The following PEX5L variants were observed in gnomAD, a reference collection of about 807,000 sequenced individuals.
PEX5L encodes peroxisomal biogenesis factor 5 like.
In PEX5L, 30 loss-of-function variants were observed where a neutral mutation model predicts 84.0. That is an observed-to-expected ratio of 0.36 (90% confidence interval 0.27 to 0.48). The LOEUF (loss-of-function observed/expected upper bound fraction) is 0.48. Ranked by LOEUF, PEX5L falls within the 20% of genes least tolerant of loss-of-function variation. The probability of loss-of-function intolerance (pLI) is 0.99; values close to 1 mark genes in which losing one functional copy is unlikely to be tolerated. For missense variants in PEX5L, 533 were observed against 754.6 expected (o/e 0.71, Z 3.44); for synonymous variants, 270 against 283.1 (o/e 0.95, Z 0.46).
intron 10 of PEX5L, 73 bp downstream of exon 10, chr3:179,815,788 A>C: frequency 1.7e-5 from 26 of 1,505,950 alleles, no homozygotes; most frequent in Non-Finnish European, 2.1e-5. Context: ...CTGACCCAGC[A>C]GAGTTCTGTG....
intron 7 of PEX5L, among the ~76,000 whole-genome samples, chr3:179,862,563 C>T (rs1211684825): frequency 6.6e-6 from 1 of 152,136 alleles, no homozygotes; most frequent in Non-Finnish European, 1.5e-5. Flanking sequence ...AGCTCTGTTC[C>T]TCATTGTTTT....
intron 1 of PEX5L, among the ~76,000 whole-genome samples, chr3:179,986,528 G>C (rs373677491): frequency 6.7e-6 from 1 of 150,050 alleles, no homozygotes; most frequent in Non-Finnish European, 1.5e-5. Context: ...TCAGCCTCCC[G>C]AGTAGCTGGG....
Position 179,829,995 on chromosome 3 carries a change from C to T in PEX5L, c.823-10019G>A, listed in dbSNP as rs1350463237. On this transcript the variant is annotated intron_variant, in intron 8 of 14. Transcript: ENST00000467460. ...TATTTTTAGTAGAGATGGGGTTTCA[C>T]CATGTTGGCCAGGCTGATTTCGAAC... Among the ~76,000 whole-genome samples the T allele has an allele frequency of 2.8e-5, 4 of 141,862 alleles. No individual in the cohort carries two copies. The Admixed American group carries it at 2.9e-4, about 10-fold the overall frequency. The allele number at this position is 141,862 out of a possible 152,430, so 93.1% of individuals were successfully genotyped here.
intron 8 of PEX5L, among the ~76,000 whole-genome samples, chr3:179,838,016 C>G (rs1260986945): frequency 3.3e-5 from 5 of 152,116 alleles, no homozygotes; most frequent in South Asian, 4.1e-4. Flanking sequence ...TTGCATGTAG[C>G]CATCCATCAA....
At chr3:179,893,353 TA>T (rs1560574574) in intron 3 of PEX5L, among the ~76,000 whole-genome samples, 1 of 152,196 alleles carries the variant, frequency 6.6e-6, no homozygotes, top group Non-Finnish European at 1.5e-5. Flanking sequence ...AACTATTAAA[TA>T]ATCTAAGCTA....
chr3:179,951,634 G>A lies in PEX5L; in HGVS notation c.93+19960C>T, dbSNP rs150196839. ...TATAGCAGAGCAAAGAGCTGGAAGA[G>A]GCTTGCATTTCTGACCACTTAGGAG... On this transcript the variant is annotated intron_variant, in intron 2 of 14. Transcript: ENST00000467460. Among the ~76,000 whole-genome samples the A allele has an allele frequency of 1.2e-4, 18 of 152,248 alleles. No individual in the cohort carries two copies. In the East Asian group the frequency reaches 3.5e-3, roughly 29 times the overall value.
In PEX5L at chr3:179,808,350, T is replaced by G; in HGVS notation, c.1440A>C (p.Leu480=). 1 of 1,603,224 alleles carries G rather than the reference T, an allele frequency of 6.2e-7. No individual in the cohort carries two copies. Residue 480 remains leucine, a synonymous_variant, in exon 13 of 15, where the codon CTA becomes CTC. Transcript: ENST00000467460. ...DMIDPDLQTG[L]GVLFHLSGEF... Reference sequence around the variant, plus strand: ...CTCCACTCAGGTGGAACAGAACCCCTAGACCTGTCTGCAGGTCTGGGTCGA... The same window carrying G: ...CTCCACTCAGGTGGAACAGAACCCCGAGACCTGTCTGCAGGTCTGGGTCGA...
At chr3:179,995,553 A>G (rs1473581432) in intron 1 of PEX5L, among the ~76,000 whole-genome samples, 2 of 152,170 alleles carry the variant, frequency 1.3e-5, no homozygotes, top group South Asian at 2.1e-4. Flanking sequence ...GACTCTATAC[A>G]TAATACCTCT....
At chr3:179,910,490 G>A (rs1400278989) in intron 2 of PEX5L, among the ~76,000 whole-genome samples, 1 of 152,164 alleles carries the variant, frequency 6.6e-6, no homozygotes, top group Non-Finnish European at 1.5e-5. Flanking sequence ...CATTAGTCAA[G>A]ATATATAGTT....
At position 180,036,633 on chromosome 3, in the gene PEX5L, A is replaced by G; in HGVS notation, c.-34T>C. 1 of 1,613,592 alleles carries G rather than the reference A, an allele frequency of 6.2e-7. No individual in the cohort carries two copies. Reference sequence around the variant, plus strand: ...GGTTTCTTCAGGGCTCCCTGAGGCCACCGGATGCTTTTCCCCCGTGCTTAC... The same window carrying G: ...GGTTTCTTCAGGGCTCCCTGAGGCCGCCGGATGCTTTTCCCCCGTGCTTAC... On this transcript the variant is annotated 5_prime_UTR_variant, in exon 1 of 15. Coordinates refer to ENST00000467460, the MANE Select transcript of PEX5L (RefSeq NM_016559.3).
intron 1 of PEX5L, among the ~76,000 whole-genome samples, chr3:180,019,536 C>T (rs1345057008): frequency 6.6e-6 from 1 of 152,128 alleles, no homozygotes; most frequent in South Asian, 2.1e-4. Context: ...TAGAAGCATA[C>T]CTTGAGGTTC....
At chr3:179,819,396 G>C (rs1403690559) in intron 9 of PEX5L, among the ~76,000 whole-genome samples, 1 of 152,264 alleles carries the variant, frequency 6.6e-6, no homozygotes, top group East Asian at 1.9e-4. Flanking sequence ...CTTTTCCACA[G>C]AGTTTCTTTG....
At chr3:179,849,434 C>T (rs902117124) in intron 8 of PEX5L, among the ~76,000 whole-genome samples, 3 of 152,178 alleles carry the variant, frequency 2.0e-5, no homozygotes, top group African/African-American at 4.8e-5. Flanking sequence ...ATTTCAACCA[C>T]GCATTTTACT....
intron 2 of PEX5L, among the ~76,000 whole-genome samples, chr3:179,947,859 A>G (rs555681380): frequency 3.2e-4 from 48 of 152,050 alleles, no homozygotes; most frequent in African/African-American, 1.1e-3. Context: ...GGCACCCGCC[A>G]CCACGCCTGG....
intron 8 of PEX5L, 66 bp downstream of exon 8, chr3:179,858,996 G>T: frequency 1.0e-6 from 1 of 977,188 alleles, no homozygotes; most frequent in South Asian, 1.3e-5. Flanking sequence ...TCTTGCTGAA[G>T]TTTGATTTTT....
In PEX5L at chr3:179,799,248, T is replaced by C. The variant is rs1329417554; in HGVS notation, c.*2580A>G. 6.6e-6 allele frequency: 1 copy of C among 152,200 alleles called. No homozygotes were observed. Among genetic ancestry groups the C allele is most frequent in the Non-Finnish European group, 1.5e-5 (1 of 68,040 alleles). 9.4% of individuals were successfully genotyped at this position (152,200 alleles called of 1,614,324 possible). Reference sequence around the variant, plus strand: ...CTCATGTTTTAATAATGGTTTTAACTTAATTTTATAAAAAATATTATTGAA... The same window carrying C: ...CTCATGTTTTAATAATGGTTTTAACCTAATTTTATAAAAAATATTATTGAA... On this transcript the variant is annotated 3_prime_UTR_variant, in exon 15 of 15. Coordinates refer to ENST00000467460, the MANE Select transcript of PEX5L (RefSeq NM_016559.3).
intron 2 of PEX5L, among the ~76,000 whole-genome samples, chr3:179,903,441 G>A (rs1384467331): frequency 2.0e-5 from 3 of 152,062 alleles, no homozygotes; most frequent in African/African-American, 7.2e-5. Context: ...TGCTGCCCAG[G>A]CTGGCCTCAA....
chr3:179,900,729 C>A, intron 2 of PEX5L: 1 of 1,535,210 alleles, frequency 6.5e-7, no homozygotes, highest in East Asian at 2.4e-5. Flanking sequence ...AAGGTTACAC[C>A]TACTACCTGA....
Position 179,795,575 on chromosome 3 carries a change from C to T in PEX5L, c.*6253G>A, listed in dbSNP as rs539262042. ...CCAATCACTTTAAAATCCCCTCCCC[C>T]CCATTGCCATTAATTTACTATAGGT... On this transcript the variant is annotated 3_prime_UTR_variant, in exon 15 of 15. Coordinates refer to ENST00000467460, the MANE Select transcript of PEX5L (RefSeq NM_016559.3). 1 of 152,272 alleles carries T rather than the reference C, an allele frequency of 6.6e-6. No individual in the cohort carries two copies. Among genetic ancestry groups the T allele is most frequent in the East Asian group, 1.9e-4 (1 of 5,192 alleles). 9.4% of individuals were successfully genotyped at this position (152,272 alleles called of 1,614,324 possible). A position where few individuals can be genotyped will look rare whatever the true frequency, so the allele number is the denominator to read the frequency against.
Sources: allele counts gnomAD v4.1 joint callset (sites outside exome capture counted in the v4.1 genomes callset), GRCh38; gene constraint gnomAD v4.1.1; transcripts MANE v1.5; gene names NCBI Gene and HGNC (gene_info 2026-07-23, HGNC 2026-07-21).